The following DPYD variants were observed in gnomAD, a reference collection of about 807,000 sequenced individuals.
The protein encoded by DPYD is dihydropyrimidine dehydrogenase [NADP(+)].
Under a neutral mutation model 116.2 loss-of-function variants are expected in DPYD, and 109 were observed. That is an observed-to-expected ratio of 0.94 (90% CI 0.80 to 1.10). The LOEUF is 1.10. Ranked by LOEUF, DPYD falls within the 50% of genes least tolerant of loss-of-function variation. DPYD has a pLI of 0.00. For synonymous variants in DPYD, 440 were observed against 432.0 expected (o/e 1.02, Z -0.23); for missense variants, 1,302 against 1,254.5 (o/e 1.04, Z -0.57).
intron 3 of DPYD, among the ~76,000 whole-genome samples, chr1:97,821,331 CAAAAA>C (rs35940342): frequency 8.8e-6 from 1 of 113,848 alleles, no homozygotes; most frequent in African/African-American, 3.4e-5. Context: ...AACTCCACCT[CAAAAA>C]AAAAAAAAAA....
chr1:97,289,495 A>G (rs1482101569), intron 18 of DPYD, among the ~76,000 whole-genome samples: 1 of 151,860 alleles, frequency 6.6e-6, no homozygotes, highest in African/African-American at 2.4e-5. Context: ...CACCATGATC[A>G]AGTGGGCTTC....
At chr1:97,643,041 C>G (rs536323813) in intron 8 of DPYD, among the ~76,000 whole-genome samples, 1 of 152,096 alleles carries the variant, frequency 6.6e-6, no homozygotes, top group Non-Finnish European at 1.5e-5. Context: ...GACTTCATGA[C>G]TAAAACACCA....
At chr1:97,641,784 CA>C (rs1288667433) in intron 8 of DPYD, among the ~76,000 whole-genome samples, 8 of 152,086 alleles carry the variant, frequency 5.3e-5, no homozygotes, top group Non-Finnish European at 1.5e-5. Context: ...AAAGGGTATT[CA>C]ATTAGGAAAA....
intron 22 of DPYD, among the ~76,000 whole-genome samples, chr1:97,081,072 T>C (rs940350022): frequency 6.6e-6 from 1 of 151,926 alleles, no homozygotes; most frequent in Non-Finnish European, 1.5e-5. Context: ...AGCTTTTAGC[T>C]AGAAAAAAGG....
intron 16 of DPYD, among the ~76,000 whole-genome samples, chr1:97,308,681 A>G (rs1002015042): frequency 2.6e-5 from 4 of 151,878 alleles, no homozygotes; most frequent in Non-Finnish European, 4.4e-5. Flanking sequence ...TTCAAGATCT[A>G]AAAGCAATTA....
rs151024745 is a variant in DPYD at position 97,830,745 on chromosome 1, G to A, written c.151-2549C>T. Among the ~76,000 whole-genome samples the A allele has an allele frequency of 4.8e-3, 731 of 151,752 alleles. 3 individuals are homozygous for A. Among genetic ancestry groups the A allele is most frequent in the Middle Eastern group, 0.027 (8 of 292 alleles). On this transcript the variant is annotated intron_variant, in intron 2 of 22. Transcript: ENST00000370192. ...AAAGAGAGAGAGAGAAAGTGGACAC[G>A]TGGACACTGAGAGACTGTAGTAGCC...
In DPYD at chr1:97,921,026, A is replaced by T; in HGVS notation, c.-104T>A. On this transcript the variant is annotated 5_prime_UTR_variant, in exon 1 of 23. Coordinates refer to ENST00000370192, the MANE Select transcript of DPYD (RefSeq NM_000110.4). ...AGCAGCCGGAGCGCGAGTCGAAAAC[A>T]GGCAGACTAGGGCCGGCGGCGCGGG... The T allele has an allele frequency of 7.0e-7, 1 of 1,420,970 alleles. No individual in the cohort carries two copies. Among genetic ancestry groups the T allele is most frequent in the East Asian group, 2.5e-5 (1 of 39,500 alleles). 88.0% of individuals were successfully genotyped at this position (1,420,970 alleles called of 1,614,324 possible).
At chr1:97,322,812 G>T (rs1485980214) in intron 16 of DPYD, 2 of 151,936 alleles carry the variant, frequency 1.3e-5, no homozygotes, top group Non-Finnish European at 2.9e-5. Flanking sequence ...GTAAAGGAAG[G>T]GCTAGGCCTC....
intron 2 of DPYD, among the ~76,000 whole-genome samples, chr1:97,847,764 G>A (rs146955530): frequency 1.3e-5 from 2 of 152,136 alleles, no homozygotes; most frequent in East Asian, 1.9e-4. Flanking sequence ...GGTGGGCTGC[G>A]AGCTAATACA....
At chr1:97,697,257 A>G (rs1434302529) in intron 6 of DPYD, among the ~76,000 whole-genome samples, 2 of 152,142 alleles carry the variant, frequency 1.3e-5, no homozygotes, top group Non-Finnish European at 2.9e-5. Context: ...CACTGACTCC[A>G]GTGATTTCTT....
chr1:97,230,549 T>C (rs1049889900), intron 19 of DPYD, among the ~76,000 whole-genome samples: 2 of 152,028 alleles, frequency 1.3e-5, no homozygotes, highest in South Asian at 2.1e-4. Context: ...AATACTTGGG[T>C]GATAAAATAA....
chr1:97,080,847 T>C (rs1649101651), intron 22 of DPYD, among the ~76,000 whole-genome samples: 1 of 152,162 alleles, frequency 6.6e-6, no homozygotes, highest in East Asian at 1.9e-4. Flanking sequence ...TGCATACTTG[T>C]GATTTTCTTT....
At chr1:97,854,026 G>C (rs185878044) in intron 2 of DPYD, among the ~76,000 whole-genome samples, 1 of 152,086 alleles carries the variant, frequency 6.6e-6, no homozygotes, top group Non-Finnish European at 1.5e-5. Flanking sequence ...TCACACATTT[G>C]ACTGCTGATT....
At chr1:97,108,186 T>A (rs554617582) in intron 20 of DPYD, among the ~76,000 whole-genome samples, 2 of 152,088 alleles carry the variant, frequency 1.3e-5, no homozygotes, top group South Asian at 4.1e-4. Context: ...GGGGAGGTAA[T>A]GTGGCATATT....
intron 16 of DPYD, among the ~76,000 whole-genome samples, chr1:97,310,551 T>C (rs1667448637): frequency 6.6e-6 from 1 of 151,810 alleles, no homozygotes. Flanking sequence ...GGCACAATTA[T>C]AATATTAGTG....
chr1:97,739,243 A>G (rs561573403), intron 4 of DPYD, among the ~76,000 whole-genome samples: 1 of 152,256 alleles, frequency 6.6e-6, no homozygotes, highest in East Asian at 1.9e-4. Flanking sequence ...TAATAATTCC[A>G]CATAAAAAAT....
intron 8 of DPYD, among the ~76,000 whole-genome samples, chr1:97,675,309 T>C (rs1268544018): frequency 6.6e-6 from 1 of 152,218 alleles, no homozygotes; most frequent in Non-Finnish European, 1.5e-5. Context: ...GGTGCTCTGA[T>C]TTCAGTAAAA....
intron 4 of DPYD, among the ~76,000 whole-genome samples, chr1:97,725,827 G>T (rs1363271910): frequency 1.3e-5 from 2 of 151,454 alleles, no homozygotes; most frequent in Non-Finnish European, 3.0e-5. Context: ...GGTCTGAGAG[G>T]GAATGGACAA....
At chr1:97,100,080 A>G (rs753574013) in intron 20 of DPYD, among the ~76,000 whole-genome samples, 2 of 152,090 alleles carry the variant, frequency 1.3e-5, no homozygotes, top group Non-Finnish European at 2.9e-5. Context: ...TTAATTTGTA[A>G]TATTTAATTG....
Sources: allele counts gnomAD v4.1 joint callset (sites outside exome capture counted in the v4.1 genomes callset), GRCh38; gene constraint gnomAD v4.1.1; transcripts MANE v1.5; gene names NCBI Gene and HGNC (gene_info 2026-07-23, HGNC 2026-07-21).